The following FSTL5 variants were observed in gnomAD, a reference collection of about 807,000 sequenced individuals.
FSTL5 encodes the protein follistatin-related protein 5.
Under a neutral mutation model 89.1 loss-of-function variants are expected in FSTL5, and 62 were observed. That is an observed-to-expected ratio of 0.70 (90% CI 0.57 to 0.86). The LOEUF (loss-of-function observed/expected upper bound fraction) is 0.86. FSTL5 is among the 40% of genes least tolerant of loss of function. The probability of loss-of-function intolerance (pLI) is 0.00; values close to 1 mark genes in which losing one functional copy is unlikely to be tolerated. For synonymous variants in FSTL5, 383 were observed against 346.2 expected (o/e 1.11, Z -1.18); for missense variants, 1,057 against 1,001.6 (o/e 1.06, Z -0.75).
At position 161,453,102 on chromosome 4, in the gene FSTL5, G is replaced by A. The variant is rs576939756; in HGVS notation, c.1841+1902C>T. 4.6e-5 allele frequency among the ~76,000 whole-genome samples: 7 copies of A among 152,104 alleles called. No individual in the cohort carries two copies. The East Asian group carries it at 1.2e-3, about 25-fold the overall frequency. On this transcript the variant is annotated intron_variant, in intron 15 of 15. Transcript: ENST00000306100. ...CACCAAAGTCTATACTCTTGACCCC[G>A]GTAGGTATTTTAACATAATGATAAC...
intron 10 of FSTL5, among the ~76,000 whole-genome samples, chr4:161,529,693 T>C (rs937059878): frequency 7.0e-6 from 1 of 142,304 alleles, no homozygotes; most frequent in East Asian, 2.4e-4. Flanking sequence ...ATTTTTTCCA[T>C]AAATATTTGT....
rs1038941797 is a variant in FSTL5, at chr4:161,579,756, A to G, written c.1015+7699T>C. Among the ~76,000 whole-genome samples, 3 of 141,546 alleles carry G rather than the reference A, an allele frequency of 2.1e-5. No homozygotes were observed. In the South Asian group the frequency reaches 6.4e-4, roughly 30 times the overall value. The allele number at this position is 141,546 out of a possible 152,430, so 92.9% of individuals were successfully genotyped here. ...CAAAAAAAAAAAAAGAAAGAAAAAG[A>G]AAAAAAGAAAAAAAAATGGATGTGA... On this transcript the variant is annotated intron_variant, in intron 8 of 15. Coordinates refer to ENST00000306100, the MANE Select transcript of FSTL5 (RefSeq NM_020116.5).
At chr4:161,428,831 G>A (rs1446051391) in intron 15 of FSTL5, among the ~76,000 whole-genome samples, 3 of 152,064 alleles carry the variant, frequency 2.0e-5, no homozygotes, top group Non-Finnish European at 1.5e-5. Flanking sequence ...GACTACTTAT[G>A]CTTGAGAAAA....
intron 7 of FSTL5, among the ~76,000 whole-genome samples, chr4:161,605,202 G>A (rs377765846): frequency 2.4e-4 from 37 of 152,178 alleles, no homozygotes; most frequent in Middle Eastern, 3.4e-3. Context: ...TTACAGGAGT[G>A]TTTTCAATTT....
intron 4 of FSTL5, among the ~76,000 whole-genome samples, chr4:161,797,618 T>C (rs201619732): frequency 4.6e-5 from 7 of 151,674 alleles, no homozygotes; most frequent in East Asian, 3.9e-4. Context: ...ATAATGTACA[T>C]GAACCACTAT....
intron 1 of FSTL5, among the ~76,000 whole-genome samples, chr4:162,115,368 T>C (rs1731598131): frequency 6.6e-6 from 1 of 152,248 alleles, no homozygotes; most frequent in African/African-American, 2.4e-5. Flanking sequence ...AAAAGTTCAC[T>C]CATCCACAGA....
In FSTL5 at chr4:161,961,254, T is replaced by C. The variant is rs368897418; in HGVS notation, c.161-40602A>G. 1.5e-4 allele frequency among the ~76,000 whole-genome samples: 23 copies of C among 151,994 alleles called. 1 individual carries two copies. In the East Asian group the frequency reaches 4.3e-3, roughly 28 times the overall value. On this transcript the variant is annotated intron_variant, in intron 3 of 15. Transcript: ENST00000306100. ...TCCCTAGTAGCTGGGACCACAGGTG[T>C]GCCCACTGCACCTTGCTAAGTTTTG...
chr4:162,017,549 A>G (rs1055476053), intron 3 of FSTL5, among the ~76,000 whole-genome samples: 15 of 152,204 alleles, frequency 9.9e-5, no homozygotes, highest in African/African-American at 3.1e-4. Flanking sequence ...AGTAGTTTAA[A>G]GCAGGCTAAT....
In FSTL5 at chr4:161,385,473, C is replaced by T; in HGVS notation, c.*274G>A. ...TTTAGTTTTTTAAATGATTTAAATCCTACTTTATTGTTTAAAGCATAATTT... is the reference window on the plus strand; with the variant it reads ...TTTAGTTTTTTAAATGATTTAAATCTTACTTTATTGTTTAAAGCATAATTT... On this transcript the variant is annotated 3_prime_UTR_variant, in exon 16 of 16. Coordinates refer to ENST00000306100, the MANE Select transcript of FSTL5 (RefSeq NM_020116.5). The T allele has an allele frequency of 3.2e-6, 1 of 316,428 alleles. No homozygotes were observed. The highest frequency in any genetic ancestry group is 5.8e-6 in the Non-Finnish European group (1 of 173,620). The allele number at this position is 316,428 out of a possible 1,614,324, so 19.6% of individuals were successfully genotyped here. A position where few individuals can be genotyped will look rare whatever the true frequency, so the allele number is the denominator to read the frequency against.
intron 3 of FSTL5, among the ~76,000 whole-genome samples, chr4:161,965,080 T>C (rs1029391627): frequency 6.6e-6 from 1 of 152,144 alleles, no homozygotes; most frequent in Admixed American, 6.6e-5. Flanking sequence ...TTCGTAAGCA[T>C]ACATTAATTG....
At chr4:161,832,556 G>C (rs1297949321) in intron 4 of FSTL5, among the ~76,000 whole-genome samples, 2 of 152,132 alleles carry the variant, frequency 1.3e-5, no homozygotes, top group African/African-American at 4.8e-5. Context: ...CACAATTTCA[G>C]AGCCTGTTAT....
chr4:161,421,189 A>G (rs574275380), intron 15 of FSTL5, among the ~76,000 whole-genome samples: 4 of 152,058 alleles, frequency 2.6e-5, no homozygotes, highest in African/African-American at 9.6e-5. Context: ...AAATACAAAA[A>G]CATTAGCCGG....
At chr4:161,554,573 C>T (rs1732325120) in intron 8 of FSTL5, among the ~76,000 whole-genome samples, 1 of 151,626 alleles carries the variant, frequency 6.6e-6, no homozygotes, top group South Asian at 2.1e-4. Context: ...AATACAGTGA[C>T]TTCATTCTAA....
intron 3 of FSTL5, among the ~76,000 whole-genome samples, chr4:161,954,006 G>A (rs1273389058): frequency 2.0e-5 from 3 of 151,544 alleles, no homozygotes; most frequent in South Asian, 4.1e-4. Flanking sequence ...ATGCTAAATG[G>A]ACCACAGAAT....
intron 12 of FSTL5, among the ~76,000 whole-genome samples, chr4:161,482,107 T>A (rs945855342): frequency 1.3e-5 from 2 of 151,966 alleles, no homozygotes; most frequent in African/African-American, 4.8e-5. Context: ...GATCACGAGG[T>A]CAGGAGATCG....
At chr4:161,990,493 T>C (rs999856938) in intron 3 of FSTL5, among the ~76,000 whole-genome samples, 10 of 152,128 alleles carry the variant, frequency 6.6e-5, no homozygotes. Flanking sequence ...AATGATAAAA[T>C]TATGGTAATA....
intron 15 of FSTL5, among the ~76,000 whole-genome samples, chr4:161,425,175 G>A (rs1336454195): frequency 6.6e-6 from 1 of 152,164 alleles, no homozygotes; most frequent in Non-Finnish European, 1.5e-5. Flanking sequence ...CACTGCAAAT[G>A]AGCTTCAATT....
chr4:161,610,683 T>C (rs1164908173), intron 7 of FSTL5, among the ~76,000 whole-genome samples: 2 of 152,168 alleles, frequency 1.3e-5, no homozygotes, highest in Non-Finnish European at 2.9e-5. Flanking sequence ...AATTGAAAAC[T>C]AGGACTCTGC....
chr4:161,900,741 C>T (rs1218672662), intron 4 of FSTL5, among the ~76,000 whole-genome samples: 1 of 149,426 alleles, frequency 6.7e-6, no homozygotes, highest in Non-Finnish European at 1.5e-5. Context: ...CCTGAATATA[C>T]CTCAAAACAT....
Sources: allele counts gnomAD v4.1 joint callset (sites outside exome capture counted in the v4.1 genomes callset), GRCh38; gene constraint gnomAD v4.1.1; transcripts MANE v1.5; gene names NCBI Gene and HGNC (gene_info 2026-07-23, HGNC 2026-07-21).